SUPT3H: variants seen among roughly 807,000 people sequenced by gnomAD.
SUPT3H encodes the protein transcription initiation protein SPT3 homolog.
SUPT3H carries 44 observed loss-of-function variants against 44.3 expected under a neutral mutation model. The observed-to-expected ratio is 0.99, with a 90% CI of 0.78 to 1.28. SUPT3H has a LOEUF of 1.28. Among genes scored for constraint, SUPT3H ranks in the 50% most tolerant of loss-of-function variants. SUPT3H has a pLI of 0.00. For synonymous variants in SUPT3H, 124 were observed against 125.6 expected (o/e 0.99, Z 0.09); for missense variants, 380 against 387.1 (o/e 0.98, Z 0.15).
At chr6:44,999,794 G>T (rs1252275621) in intron 6 of SUPT3H, among the ~76,000 whole-genome samples, 1 of 151,896 alleles carries the variant, frequency 6.6e-6, no homozygotes, top group East Asian at 1.9e-4. Context: ...TTAACAGTTT[G>T]CACCTACTAT....
chr6:45,166,206 TG>T (rs967236014), intron 2 of SUPT3H, among the ~76,000 whole-genome samples: 2 of 152,132 alleles, frequency 1.3e-5, no homozygotes, highest in African/African-American at 4.8e-5. Flanking sequence ...GGTGACAAGA[TG>T]GCTTGCATCT....
At chr6:44,823,121 A>T (rs1054978016), downstream of SUPT3H, among the ~76,000 whole-genome samples, 23 of 119,392 alleles carry the variant, frequency 1.9e-4, 1 homozygote, top group East Asian at 8.9e-4. Context: ...AAAAAAAAAA[A>T]ATTTTTTTCT....
At chr6:45,304,183 T>TA (rs1315870166) in intron 2 of SUPT3H, among the ~76,000 whole-genome samples, 1 of 152,136 alleles carries the variant, frequency 6.6e-6, no homozygotes, top group African/African-American at 2.4e-5. Flanking sequence ...TTTATCTATT[T>TA]AAATGTGTAA....
chr6:45,084,776 C>T (rs1796281453), intron 3 of SUPT3H, among the ~76,000 whole-genome samples: 3 of 152,140 alleles, frequency 2.0e-5, no homozygotes, highest in Admixed American at 6.5e-5. Context: ...AAATCCTATG[C>T]AGCCATAAAA....
chr6:44,919,826 C>T lies in SUPT3H; in HGVS notation c.912+12827G>A, dbSNP rs552040807. On this transcript the variant is annotated intron_variant, in intron 10 of 10. Coordinates refer to ENST00000371459, the MANE Select transcript of SUPT3H (RefSeq NM_003599.4). ...AGTGCCACCTAATTTGTTTCCTTGCCTATTATATCCCCTCACACCAGTCTC... is the reference window on the plus strand; with the variant it reads ...AGTGCCACCTAATTTGTTTCCTTGCTTATTATATCCCCTCACACCAGTCTC... Among the ~76,000 whole-genome samples, 41 of 152,268 alleles carry T rather than the reference C, an allele frequency of 2.7e-4. 2 individuals carry two copies. The East Asian group carries it at 7.9e-3, about 29-fold the overall frequency.
intron 11 of SUPT3H, among the ~76,000 whole-genome samples, chr6:44,812,301 G>A (rs1181591894): frequency 6.6e-6 from 1 of 152,146 alleles, no homozygotes; most frequent in Non-Finnish European, 1.5e-5. Flanking sequence ...TGTTTCTTCA[G>A]TACCAAGGTC....
At chr6:44,884,680 T>G (rs1204650845) in intron 10 of SUPT3H, among the ~76,000 whole-genome samples, 1 of 152,120 alleles carries the variant, frequency 6.6e-6, no homozygotes, top group Non-Finnish European at 1.5e-5. Context: ...GCTCCCAGCA[T>G]GAGCAATGCA....
At chr6:44,835,446 AGGGC>A (rs1561856818) in intron 10 of SUPT3H, among the ~76,000 whole-genome samples, 3 of 143,192 alleles carry the variant, frequency 2.1e-5, no homozygotes, top group African/African-American at 7.9e-5. Flanking sequence ...TTGGGATGTG[AGGGC>A]ACAGAGGGTT....
chr6:45,216,634 A>T (rs114185011), intron 2 of SUPT3H, among the ~76,000 whole-genome samples: 2,672 of 152,344 alleles, frequency 0.018, 50 homozygotes, highest in South Asian at 0.085. Context: ...TGGAAATTCA[A>T]AATGAGCAGC....
At chr6:45,042,119 T>A (rs1788626608) in intron 3 of SUPT3H, among the ~76,000 whole-genome samples, 1 of 152,134 alleles carries the variant, frequency 6.6e-6, no homozygotes, top group African/African-American at 2.4e-5. Flanking sequence ...ACATCAAACT[T>A]GTTTAAAAAT....
At position 45,250,402 on chromosome 6, in the gene SUPT3H, TA is replaced by T. The variant is rs530471144; in HGVS notation, c.101+114798del. 1.2e-4 allele frequency among the ~76,000 whole-genome samples: 18 copies of T among 145,872 alleles called. 1 individual carries two copies. In the South Asian group the frequency reaches 3.7e-3, roughly 30 times the overall value. On this transcript the variant is annotated intron_variant, in intron 2 of 10. Coordinates refer to ENST00000371459, the MANE Select transcript of SUPT3H (RefSeq NM_003599.4). ...ACAATAAAAAATAAAACAAAGACAA[TA>T]AAAAAAGCTCTTACAAATTAAAATT...
intron 3 of SUPT3H, among the ~76,000 whole-genome samples, chr6:45,063,253 GTC>G (rs1792514691): frequency 6.9e-6 from 1 of 145,780 alleles, no homozygotes; most frequent in South Asian, 2.3e-4. Context: ...TGAGGGTCCT[GTC>G]TGTTAGAAGG....
chr6:44,972,482 C>T (rs188953986), intron 6 of SUPT3H, among the ~76,000 whole-genome samples: 50 of 152,240 alleles, frequency 3.3e-4, no homozygotes, highest in African/African-American at 7.9e-4. Context: ...TGAGTATCTG[C>T]GGCTTTTCCA....
Position 44,937,431 on chromosome 6 carries a change from T to A in SUPT3H, c.802-4668A>T, listed in dbSNP as rs147855152. 4.3e-3 allele frequency among the ~76,000 whole-genome samples: 649 copies of A among 151,712 alleles called. 1 individual carries two copies. Among genetic ancestry groups the A allele is most frequent in the African/African-American group, 0.014 (570 of 41,256 alleles). On this transcript the variant is annotated intron_variant, in intron 9 of 10. Transcript: ENST00000371459. ...ATCGCTTGAACCCGGGAGGTGGAGG[T>A]TGCAGTGAGCCCAGATCACGCCACT...
At position 45,185,862 on chromosome 6, in the gene SUPT3H, C is replaced by T. The variant is rs566246590; in HGVS notation, c.102-79856G>A. On this transcript the variant is annotated intron_variant, in intron 2 of 10. Transcript: ENST00000371459. ...AGGGCTACTCAGCACTCCTGTTCTCCACTCCACCCATCAGGATCAGCAAAG... is the reference window on the plus strand; with the variant it reads ...AGGGCTACTCAGCACTCCTGTTCTCTACTCCACCCATCAGGATCAGCAAAG... Among the ~76,000 whole-genome samples, 284 of 152,314 alleles carry T rather than the reference C, an allele frequency of 1.9e-3. 1 individual carries two copies. The highest frequency in any genetic ancestry group is 6.3e-3 in the African/African-American group (260 of 41,560).
intron 10 of SUPT3H, among the ~76,000 whole-genome samples, chr6:44,897,096 C>T (rs781078560): frequency 1.3e-5 from 2 of 152,276 alleles, no homozygotes; most frequent in African/African-American, 4.8e-5. Flanking sequence ...CCAGCTGTGT[C>T]GATTCAGCCC....
chr6:44,876,724 C>A, intron 10 of SUPT3H, among the ~76,000 whole-genome samples: 3 of 138,332 alleles, frequency 2.2e-5, no homozygotes, highest in African/African-American at 2.7e-5. Flanking sequence ...GGAGAAACAT[C>A]AAGGGAAATT....
At chr6:45,151,780 G>A (rs1282390284) in intron 2 of SUPT3H, among the ~76,000 whole-genome samples, 1 of 151,962 alleles carries the variant, frequency 6.6e-6, no homozygotes, top group African/African-American at 2.4e-5. Flanking sequence ...CTACCAATAG[G>A]CTAGCTAAGT....
chr6:45,222,418 T>A lies in SUPT3H; in HGVS notation c.102-116412A>T, dbSNP rs540022050. Among the ~76,000 whole-genome samples, 5 of 152,190 alleles carry A rather than the reference T, an allele frequency of 3.3e-5. No homozygotes were observed. In the East Asian group the frequency reaches 9.7e-4, roughly 29 times the overall value. On this transcript the variant is annotated intron_variant, in intron 2 of 10. Transcript: ENST00000371459. ...CATTTCATGGAAGATGACATACAGA[T>A]GGCAAATAAGCACACAAAATGGTGT...
Sources: allele counts gnomAD v4.1 joint callset (sites outside exome capture counted in the v4.1 genomes callset), GRCh38; gene constraint gnomAD v4.1.1; transcripts MANE v1.5; gene names NCBI Gene and HGNC (gene_info 2026-07-23, HGNC 2026-07-21).